The following FILIP1 variants were observed in gnomAD, a reference collection of about 807,000 sequenced individuals.
FILIP1 encodes the protein filamin-A-interacting protein 1.
FILIP1 carries 61 observed loss-of-function variants against 102.1 expected under a neutral mutation model. The observed-to-expected ratio is 0.60, with a 90% CI of 0.49 to 0.74. The LOEUF (loss-of-function observed/expected upper bound fraction) is 0.74, where lower values mean the gene tolerates loss of function less well. Ranked by LOEUF, FILIP1 falls within the 30% of genes least tolerant of loss-of-function variation. The probability of loss-of-function intolerance (pLI) is 0.00; values close to 1 mark genes in which losing one functional copy is unlikely to be tolerated. For synonymous variants in FILIP1, 491 were observed against 526.9 expected (o/e 0.93, Z 0.93); for missense variants, 1,314 against 1,441.2 (o/e 0.91, Z 1.43).
intron 1 of FILIP1, among the ~76,000 whole-genome samples, chr6:75,474,978 C>T (rs1468444223): frequency 1.3e-5 from 2 of 152,162 alleles, no homozygotes; most frequent in East Asian, 1.9e-4. Flanking sequence ...CTTCACCTTC[C>T]GCCATGATTA....
At chr6:75,456,032 T>C (rs1393567408) in intron 1 of FILIP1, among the ~76,000 whole-genome samples, 1 of 152,206 alleles carries the variant, frequency 6.6e-6, no homozygotes, top group African/African-American at 2.4e-5. Context: ...CCATCAAAAC[T>C]ACCTCTTTCT....
rs368516482 is a variant in FILIP1 at position 75,308,724 on chromosome 6, G to A, written c.3609C>T (p.Ser1203=). The A allele has an allele frequency of 6.2e-7, 1 of 1,613,378 alleles. No individual in the cohort carries two copies. Among genetic ancestry groups the A allele is most frequent in the Non-Finnish European group, 8.5e-7 (1 of 1,179,976 alleles). The change falls in exon 6 of 6, where the codon AGC becomes AGT. Residue 1203 remains serine (S), a synonymous_variant. Transcript: ENST00000237172. ...TCCCCCCTCCGAGAGAGGTGGTGCT[G>A]CTGGCTGCAGATTTCTTCAGCTCTA... The part of the protein sequence containing the change: ...MKIELKKSAA[S]STTSLGGGKG
chr6:75,397,851 A>C (rs1242535797), intron 2 of FILIP1: 1 of 152,142 alleles, frequency 6.6e-6, no homozygotes, highest in Non-Finnish European at 1.5e-5. Flanking sequence ...TTGCAAATGT[A>C]CTTTCATTAT....
chr6:75,356,158 G>A (rs1326758687), intron 3 of FILIP1, among the ~76,000 whole-genome samples: 1 of 152,142 alleles, frequency 6.6e-6, no homozygotes, highest in Non-Finnish European at 1.5e-5. Flanking sequence ...GAAACCCCAC[G>A]GGGTAACTCC....
At chr6:75,449,559 T>C (rs1425390695) in intron 1 of FILIP1, among the ~76,000 whole-genome samples, 2 of 152,004 alleles carry the variant, frequency 1.3e-5, no homozygotes, top group Non-Finnish European at 2.9e-5. Context: ...GGCAGGAGGA[T>C]CCCTTGAGCC....
chr6:75,325,240 G>A (rs1358973650), intron 4 of FILIP1, among the ~76,000 whole-genome samples: 3 of 152,128 alleles, frequency 2.0e-5, no homozygotes, highest in East Asian at 3.9e-4. Flanking sequence ...TGGGCAATAC[G>A]GTGAAGCCCT....
intron 1 of FILIP1, chr6:75,455,281 G>A (rs1052929522): frequency 6.6e-6 from 1 of 151,986 alleles, no homozygotes. Flanking sequence ...AGGACAGAGT[G>A]CCACTCAACT....
chr6:75,381,487 C>G (rs1775904241), intron 2 of FILIP1, among the ~76,000 whole-genome samples: 1 of 152,110 alleles, frequency 6.6e-6, no homozygotes, highest in Admixed American at 6.6e-5. Context: ...CTTGGCCTCC[C>G]AAAGTGCTGA....
At chr6:75,388,308 AT>A (rs1776167345) in intron 2 of FILIP1, among the ~76,000 whole-genome samples, 1 of 152,064 alleles carries the variant, frequency 6.6e-6, no homozygotes, top group Admixed American at 6.6e-5. Flanking sequence ...TTGAAGTCAG[AT>A]AGCGTGATGC....
chr6:75,491,080 G>T (rs556266771), intron 1 of FILIP1, among the ~76,000 whole-genome samples: 2 of 152,178 alleles, frequency 1.3e-5, no homozygotes, highest in East Asian at 3.9e-4. Flanking sequence ...TTCTAACAGA[G>T]CACCAAGCTG....
At chr6:75,344,640 C>G (rs1200921697) in intron 4 of FILIP1, among the ~76,000 whole-genome samples, 1 of 152,194 alleles carries the variant, frequency 6.6e-6, no homozygotes, top group Non-Finnish European at 1.5e-5. Context: ...CACTGGAGAC[C>G]TCTGTGACCT....
chr6:75,309,046 A>G, intron 5 of FILIP1, 149 bp from the exon 6 acceptor site: 1 of 809,848 alleles, frequency 1.2e-6, no homozygotes, highest in Non-Finnish European at 1.9e-6. Context: ...AGAAACTTGG[A>G]GTTTGTATCT....
At chr6:75,397,626 C>T (rs962097800) in intron 2 of FILIP1, among the ~76,000 whole-genome samples, 1 of 148,454 alleles carries the variant, frequency 6.7e-6, no homozygotes, top group African/African-American at 2.5e-5. Context: ...GCAGGAATTA[C>T]AACATCCCAT....
At chr6:75,321,663 G>A (rs1328345888) in intron 4 of FILIP1, among the ~76,000 whole-genome samples, 1 of 152,124 alleles carries the variant, frequency 6.6e-6, no homozygotes, top group Non-Finnish European at 1.5e-5. Flanking sequence ...GCGCGGTGGC[G>A]GGCGCCTGTA....
At chr6:75,330,764 G>A (rs755604278) in intron 4 of FILIP1, among the ~76,000 whole-genome samples, 1 of 152,100 alleles carries the variant, frequency 6.6e-6, no homozygotes, top group Non-Finnish European at 1.5e-5. Flanking sequence ...TATCATAAAT[G>A]AAGTTTTATT....
At chr6:75,365,291 A>G (rs1191674093) in intron 2 of FILIP1, among the ~76,000 whole-genome samples, 2 of 152,174 alleles carry the variant, frequency 1.3e-5, no homozygotes, top group African/African-American at 4.8e-5. Flanking sequence ...AATTTCTGAA[A>G]GACTAAAAGA....
chr6:75,450,911 C>T (rs990079977), intron 1 of FILIP1, among the ~76,000 whole-genome samples: 6 of 151,476 alleles, frequency 4.0e-5, no homozygotes, highest in South Asian at 2.1e-4. Context: ...GCCGAGATTG[C>T]GCCATTGCAC....
At chr6:75,303,580 C>G (rs1342658661), downstream of FILIP1, among the ~76,000 whole-genome samples, 1 of 152,144 alleles carries the variant, frequency 6.6e-6, no homozygotes, top group African/African-American at 2.4e-5. Flanking sequence ...AAGTTCTGGA[C>G]CCAGACATAA....
intron 1 of FILIP1, among the ~76,000 whole-genome samples, chr6:75,464,365 C>T (rs1779107539): frequency 6.6e-6 from 1 of 152,144 alleles, no homozygotes; most frequent in East Asian, 1.9e-4. Context: ...AGCATTTGTC[C>T]TAACATAGCG....
Sources: allele counts gnomAD v4.1 joint callset (sites outside exome capture counted in the v4.1 genomes callset), GRCh38; gene constraint gnomAD v4.1.1; transcripts MANE v1.5; gene names NCBI Gene and HGNC (gene_info 2026-07-23, HGNC 2026-07-21).